Variants in SLC35D2 observed in about 807,000 individuals in gnomAD.
The protein encoded by SLC35D2 is solute carrier family 35 member D2.
Under a neutral mutation model 41.8 loss-of-function variants are expected in SLC35D2, and 43 were observed. The observed-to-expected ratio is 1.03, with a 90% CI of 0.81 to 1.33. The LOEUF is 1.33. Ranked by LOEUF, SLC35D2 falls within the 40% of genes most tolerant of loss-of-function variation. The probability of loss-of-function intolerance (pLI) is 0.00; values close to 1 mark genes in which losing one functional copy is unlikely to be tolerated. For synonymous variants in SLC35D2, 150 were observed against 163.9 expected (o/e 0.92, Z 0.65); for missense variants, 380 against 408.4 (o/e 0.93, Z 0.60).
intron 6 of SLC35D2, among the ~76,000 whole-genome samples, chr9:96,348,117 T>C (rs1402813776): frequency 1.3e-5 from 2 of 152,198 alleles, no homozygotes. Context: ...CGCCCTGAAT[T>C]CTTTCTTCCA....
At chr9:96,378,774 C>T (rs912394853) in intron 1 of SLC35D2, among the ~76,000 whole-genome samples, 2 of 151,588 alleles carry the variant, frequency 1.3e-5, no homozygotes, top group African/African-American at 4.9e-5. Context: ...AAATTTAATT[C>T]AAAAATGACC....
At chr9:96,352,604 G>A (rs941591795) in intron 4 of SLC35D2, among the ~76,000 whole-genome samples, 1 of 152,138 alleles carries the variant, frequency 6.6e-6, no homozygotes, top group Admixed American at 6.5e-5. Flanking sequence ...TTACAGGCGT[G>A]AGCCACCGCA....
At chr9:96,351,543 C>T (rs998981914) in intron 5 of SLC35D2, among the ~76,000 whole-genome samples, 1 of 151,988 alleles carries the variant, frequency 6.6e-6, no homozygotes, top group Admixed American at 6.6e-5. Context: ...AAATTCATTT[C>T]TAAATAATCC....
intron 6 of SLC35D2, among the ~76,000 whole-genome samples, chr9:96,347,063 G>A (rs1267945661): frequency 6.6e-6 from 1 of 152,218 alleles, no homozygotes; most frequent in Non-Finnish European, 1.5e-5. Flanking sequence ...TTGAACCAGG[G>A]AGGCAGAGGT....
chr9:96,366,591 G>A (rs973717385), intron 2 of SLC35D2, among the ~76,000 whole-genome samples: 3 of 136,132 alleles, frequency 2.2e-5, no homozygotes, highest in Non-Finnish European at 3.0e-5. Flanking sequence ...GTGCAATCTC[G>A]GCTCACTGCA....
chr9:96,337,783 ACCAG>A (rs1454169984), intron 8 of SLC35D2, among the ~76,000 whole-genome samples: 3 of 151,478 alleles, frequency 2.0e-5, no homozygotes, highest in African/African-American at 7.3e-5. Flanking sequence ...GGAGTTTGAG[ACCAG>A]CCTGGCCAAC....
intron 6 of SLC35D2, among the ~76,000 whole-genome samples, chr9:96,348,280 T>C (rs543973065): frequency 3.3e-5 from 5 of 152,310 alleles, no homozygotes; most frequent in African/African-American, 1.2e-4. Context: ...AGGTGACACG[T>C]CACTTCTGGG....
At chr9:96,328,432 G>A (rs1828652964) in intron 9 of SLC35D2, among the ~76,000 whole-genome samples, 1 of 152,128 alleles carries the variant, frequency 6.6e-6, no homozygotes, top group Non-Finnish European at 1.5e-5. Context: ...GTATTTTGAA[G>A]TCATGATATT....
At chr9:96,379,647 G>A (rs753526707) in intron 1 of SLC35D2, among the ~76,000 whole-genome samples, 7 of 152,206 alleles carry the variant, frequency 4.6e-5, no homozygotes, top group Middle Eastern at 3.4e-3. Flanking sequence ...GCTTGGATCC[G>A]ATTTCTATGG....
Position 96,358,988 on chromosome 9 carries a change from AG to A in SLC35D2, c.347+1165del, listed in dbSNP as rs1183898431. Among the ~76,000 whole-genome samples, 4 of 152,126 alleles carry A rather than the reference AG, an allele frequency of 2.6e-5. No individual in the cohort carries two copies. The East Asian group carries it at 7.7e-4, about 29-fold the overall frequency. On this transcript the variant is annotated intron_variant, in intron 4 of 11. Transcript: ENST00000253270. ...TGTGCAAGACTCCATCTCAAAAAAA[AG>A]ATAAGATATCAACCCCTTAAAATCA...
In SLC35D2 at chr9:96,321,333, C is replaced by A; in HGVS notation, c.923G>T (p.Gly308Val). The A allele has an allele frequency of 1.2e-6, 2 of 1,613,178 alleles. No individual in the cohort carries two copies. Among genetic ancestry groups the A allele is most frequent in the Non-Finnish European group, 8.5e-7 (1 of 1,179,350 alleles). Residue 308 changes from glycine to valine, a missense_variant, in exon 12 of 12, where the codon GGG becomes GTG. Coordinates refer to ENST00000253270, the MANE Select transcript of SLC35D2 (RefSeq NM_007001.3). ...NFVGLNICMA[G>V]GLRYSFLTLS... is the part of the protein sequence containing the mutation. ...TGTTAAAAAGGAATATCTCAAGCCC[C>A]CTGCCATGCTGAAAGGAGAAAAAAA...
At chr9:96,327,696 A>C (rs1168974521) in intron 9 of SLC35D2, among the ~76,000 whole-genome samples, 2 of 150,228 alleles carry the variant, frequency 1.3e-5, no homozygotes, top group Non-Finnish European at 1.5e-5. Context: ...ATCATGGTTC[A>C]CTGCAGCCTC....
chr9:96,371,744 T>C (rs1438288153), intron 1 of SLC35D2, among the ~76,000 whole-genome samples: 4 of 107,604 alleles, frequency 3.7e-5, no homozygotes, highest in African/African-American at 1.4e-4. Context: ...TTTTTTTTTT[T>C]GAGACGGAGT....
At chr9:96,353,168 A>C (rs1438786699) in intron 4 of SLC35D2, among the ~76,000 whole-genome samples, 1 of 152,200 alleles carries the variant, frequency 6.6e-6, no homozygotes, top group East Asian at 1.9e-4. Flanking sequence ...TAAATGTCAG[A>C]CATCACAATA....
At chr9:96,324,423 T>A (rs1054946168) in intron 9 of SLC35D2, among the ~76,000 whole-genome samples, 8 of 152,216 alleles carry the variant, frequency 5.3e-5, no homozygotes, top group East Asian at 1.9e-4. Flanking sequence ...TTCCAATGAA[T>A]GTTTCCACAA....
chr9:96,358,078 T>TATATATATATATATATATATATATATATA (rs1491320526), intron 4 of SLC35D2, among the ~76,000 whole-genome samples: 1 of 79,258 alleles, frequency 1.3e-5, no homozygotes, highest in African/African-American at 6.7e-5. Flanking sequence ...ATATTATATA[T>TATATATATATATATATATATATATATATA]TTTATATATA....
Position 96,367,581 on chromosome 9 carries a change from G to A in SLC35D2, c.192+691C>T, listed in dbSNP as rs1008524145. On this transcript the variant is annotated intron_variant, in intron 2 of 11. Coordinates refer to ENST00000253270, the MANE Select transcript of SLC35D2 (RefSeq NM_007001.3). The stretch of plus-strand genomic sequence containing the variant: ...GCGGATCGCCTGAGGTCAGGAGTTC[G>A]AGACCAGCCTAGCTAACATGGCGAA... Among the ~76,000 whole-genome samples the A allele has an allele frequency of 7.2e-5, 11 of 152,172 alleles. No individual in the cohort carries two copies. In the Middle Eastern group the frequency reaches 0.01, roughly 141 times the overall value.
chr9:96,322,232 T>A, intron 10 of SLC35D2, 152 bp from the exon 11 acceptor site: 2 of 587,238 alleles, frequency 3.4e-6, no homozygotes, highest in Non-Finnish European at 6.1e-6. Flanking sequence ...ATAAAAACCA[T>A]TACAGGCCAG....
chr9:96,318,916 G>A (rs928978583), downstream of SLC35D2, among the ~76,000 whole-genome samples: 4 of 152,110 alleles, frequency 2.6e-5, no homozygotes, highest in African/African-American at 4.8e-5. Context: ...CCTTGATGGC[G>A]GGAATGTAAA....
Sources: gnomAD v4.1 joint callset for allele counts (sites outside exome capture counted in the v4.1 genomes callset) on GRCh38, gnomAD v4.1.1 for gene constraint, MANE v1.5 for transcripts, NCBI Gene and HGNC (gene_info 2026-07-23, HGNC 2026-07-21) for gene names.